The following PRSS3 variants were observed in gnomAD, a reference collection of about 807,000 sequenced individuals.
PRSS3 encodes serine protease 3, also known as trypsin-3.
A neutral mutation model predicts 20.8 loss-of-function variants in PRSS3; 14 were observed. That is an observed-to-expected ratio of 0.67 (90% CI 0.44 to 1.05). The LOEUF is 1.05. Among genes scored for constraint, PRSS3 ranks in the 50% least tolerant of loss-of-function variants. PRSS3 has a pLI of 0.00. For synonymous variants in PRSS3, 91 were observed against 117.6 expected (o/e 0.77, Z 1.46); for missense variants, 237 against 306.4 (o/e 0.77, Z 1.69).
At chr9:33,757,662 G>A (rs777514233) in intron 1 of PRSS3, among the ~76,000 whole-genome samples, 1 of 152,062 alleles carries the variant, frequency 6.6e-6, no homozygotes, top group Non-Finnish European at 1.5e-5. Context: ...CAAACTCCCT[G>A]ACAGCACGGG....
chr9:33,771,781 TTTC>T, intron 1 of PRSS3, among the ~76,000 whole-genome samples: 1 of 150,980 alleles, frequency 6.6e-6, no homozygotes. Flanking sequence ...GCTAATTTTT[TTTC>T]TTTTCTTTTC....
intron 1 of PRSS3, among the ~76,000 whole-genome samples, chr9:33,774,341 A>C (rs1050350495): frequency 1.3e-5 from 2 of 152,204 alleles, no homozygotes; most frequent in Non-Finnish European, 2.9e-5. Flanking sequence ...TCTTCTATGA[A>C]TCATACATAA....
intron 1 of PRSS3, among the ~76,000 whole-genome samples, chr9:33,763,743 G>C (rs1273902167): frequency 1.3e-5 from 2 of 150,480 alleles, no homozygotes; most frequent in Non-Finnish European, 3.0e-5. Context: ...AGGGTAAAGA[G>C]AGTAAGTGAC....
Position 33,750,840 on chromosome 9 carries a change from C to A in PRSS3, c.-53+113C>A. 1 of 1,386,014 alleles carries A rather than the reference C, an allele frequency of 7.2e-7. No homozygotes were observed. Among genetic ancestry groups the A allele is most frequent in the Non-Finnish European group, 9.3e-7 (1 of 1,076,476 alleles). The allele number at this position is 1,386,014 out of a possible 1,614,324, so 85.9% of individuals were successfully genotyped here. A position where few individuals can be genotyped will look rare whatever the true frequency, so the allele number is the denominator to read the frequency against. ...AGAGGGGGTTCCGACTCGCATGGGA[C>A]CTGCGGGGGAGGGTACGCGGACAGG... On this transcript the variant is annotated intron_variant, in intron 1 of 5. Coordinates refer to the PRSS3 transcript ENST00000342836. The surrounding 1 kb of genome is among the most constrained non-coding windows in gnomAD (Gnocchi z 4.8).
intron 1 of PRSS3, among the ~76,000 whole-genome samples, chr9:33,768,769 T>C (rs1219677956): frequency 7.3e-5 from 11 of 151,700 alleles, no homozygotes; most frequent in Middle Eastern, 3.4e-3. Context: ...GGCAGGATAA[T>C]TGCTTGAGCC....
chr9:33,759,108 G>T (rs1823069916), intron 1 of PRSS3, among the ~76,000 whole-genome samples: 1 of 152,084 alleles, frequency 6.6e-6, no homozygotes, highest in Admixed American at 6.6e-5. Flanking sequence ...GGAATGAAAA[G>T]GACATGCAAT....
intron 4 of PRSS3, 70 bp downstream of exon 4, chr9:33,798,692 C>T (rs914007882): frequency 5.0e-5 from 80 of 1,609,868 alleles, no homozygotes; most frequent in Non-Finnish European, 6.5e-5. Context: ...AAGATTTGAA[C>T]TCCCAAGGTG....
intron 1 of PRSS3, among the ~76,000 whole-genome samples, chr9:33,783,497 T>C (rs1227785269): frequency 6.6e-6 from 1 of 152,204 alleles, no homozygotes; most frequent in Non-Finnish European, 1.5e-5. Flanking sequence ...TGTTATGTGG[T>C]AAAGCAGTAA....
intron 1 of PRSS3, among the ~76,000 whole-genome samples, chr9:33,755,119 G>C (rs1055173941): frequency 1.3e-5 from 2 of 152,162 alleles, no homozygotes; most frequent in Non-Finnish European, 2.9e-5. Flanking sequence ...ATTCCGGACG[G>C]GCACGCCAGG....
chr9:33,766,499 G>A (rs565534897), intron 1 of PRSS3, among the ~76,000 whole-genome samples: 4 of 152,250 alleles, frequency 2.6e-5, no homozygotes, highest in South Asian at 2.1e-4. Context: ...CGTGAACCGG[G>A]GAGGTGGAGC....
At chr9:33,754,356 C>T (rs977105862) in intron 1 of PRSS3, among the ~76,000 whole-genome samples, 4 of 151,906 alleles carry the variant, frequency 2.6e-5, no homozygotes, top group African/African-American at 4.8e-5. Flanking sequence ...AGATGTGAGC[C>T]GCCGCGCCTG....
chr9:33,776,313 C>T (rs1405140093), intron 1 of PRSS3, among the ~76,000 whole-genome samples: 3 of 151,960 alleles, frequency 2.0e-5, no homozygotes, highest in African/African-American at 7.3e-5. Flanking sequence ...TAAATGTCCC[C>T]ACATACATGT....
chr9:33,792,530 T>A (rs1359765633), upstream of PRSS3, among the ~76,000 whole-genome samples: 2 of 152,212 alleles, frequency 1.3e-5, no homozygotes, highest in African/African-American at 4.8e-5. Context: ...ATCTGCTGCC[T>A]ACCACCTCAG....
In PRSS3 at chr9:33,796,688, C is replaced by G. The variant is rs778139682; in HGVS notation, c.86C>G (p.Thr29Ser). The change falls in exon 2 of 5, where the codon ACC becomes AGC. Residue 29 changes from threonine to serine, a missense_variant. By Grantham distance (58) the Thr-to-Ser change is moderately conservative. Transcript: ENST00000379405. Reference sequence around the variant, plus strand: ...GATGACAAGATTGTTGGGGGCTACACCTGTGAGGAGAATTCTCTCCCCTAC... The same window carrying G: ...GATGACAAGATTGTTGGGGGCTACAGCTGTGAGGAGAATTCTCTCCCCTAC... Reference protein sequence around the residue: ...DDDDKIVGGYTCEENSLPYQV... With the variant: ...DDDDKIVGGYSCEENSLPYQV... 6.2e-7 allele frequency: 1 copy of G among 1,608,276 alleles called. No individual in the cohort carries two copies. The highest frequency in any genetic ancestry group is 8.5e-7 in the Non-Finnish European group (1 of 1,177,448).
chr9:33,764,924 C>A (rs1183292628), intron 1 of PRSS3, among the ~76,000 whole-genome samples: 1 of 152,166 alleles, frequency 6.6e-6, no homozygotes. Flanking sequence ...CATCACTAAT[C>A]ATTAGGGAAA....
intron 1 of PRSS3, among the ~76,000 whole-genome samples, chr9:33,770,340 T>G (rs1164706813): frequency 6.6e-6 from 1 of 152,200 alleles, no homozygotes; most frequent in Non-Finnish European, 1.5e-5. Flanking sequence ...TGCCTCAGGA[T>G]GAACCATACC....
At chr9:33,767,331 GTGTGAATTGATGAAT>G (rs1482210852) in intron 1 of PRSS3, among the ~76,000 whole-genome samples, 1 of 152,010 alleles carries the variant, frequency 6.6e-6, no homozygotes, top group Non-Finnish European at 1.5e-5. Context: ...GGAAATGTAA[GTGTGAATTGATGAAT>G]GGATAAATAA....
At chr9:33,775,295 C>T (rs1393894963) in intron 1 of PRSS3, among the ~76,000 whole-genome samples, 1 of 152,180 alleles carries the variant, frequency 6.6e-6, no homozygotes, top group Admixed American at 6.5e-5. Flanking sequence ...TAAGATGGGG[C>T]TGACCATGAA....
chr9:33,761,321 C>T (rs1424421413), intron 1 of PRSS3, among the ~76,000 whole-genome samples: 1 of 152,194 alleles, frequency 6.6e-6, no homozygotes, highest in East Asian at 1.9e-4. Context: ...GACTTCAAAC[C>T]TGTACAGCAC....
Sources: gnomAD v4.1 joint callset for allele counts (sites outside exome capture counted in the v4.1 genomes callset) on GRCh38, gnomAD v4.1.1 for gene constraint, Gnocchi (gnomAD v3.1) non-coding constraint, MANE v1.5 for transcripts, NCBI Gene and HGNC (gene_info 2026-07-23, HGNC 2026-07-21) for gene names.